ABCA13: variants seen among roughly 807,000 people sequenced by gnomAD.
The protein encoded by ABCA13 is ATP-binding cassette sub-family A member 13.
Under a neutral mutation model 478.7 loss-of-function variants are expected in ABCA13, and 476 were observed. That is an observed-to-expected ratio of 0.99 (90% confidence interval 0.92 to 1.07). The LOEUF (loss-of-function observed/expected upper bound fraction) is 1.07, where lower values mean the gene tolerates loss of function less well. Ranked by LOEUF, ABCA13 falls within the 50% of genes least tolerant of loss-of-function variation. ABCA13 has a pLI of 0.00. For missense variants in ABCA13, 6,060 were observed against 5,910.6 expected (o/e 1.03, Z -0.83); for synonymous variants, 2,252 against 2,158.9 (o/e 1.04, Z -1.20).
At chr7:48,388,776 A>G (rs935321531) in intron 36 of ABCA13, among the ~76,000 whole-genome samples, 1 of 152,178 alleles carries the variant, frequency 6.6e-6, no homozygotes, top group Non-Finnish European at 1.5e-5. Context: ...CTTAAACAAA[A>G]ATACATGTGT....
intron 57 of ABCA13, among the ~76,000 whole-genome samples, chr7:48,589,245 A>G (rs1789494607): frequency 6.6e-6 from 1 of 152,200 alleles, no homozygotes; most frequent in Non-Finnish European, 1.5e-5. Flanking sequence ...GATGTTGCTA[A>G]ATAAATGAAG....
intron 42 of ABCA13, among the ~76,000 whole-genome samples, chr7:48,449,082 A>G (rs1304286288): frequency 2.6e-5 from 4 of 152,146 alleles, no homozygotes; most frequent in African/African-American, 9.7e-5. Context: ...ACCTCCAGTG[A>G]TTCGCCCACC....
At chr7:48,237,985 G>C (rs980414367) in intron 8 of ABCA13, among the ~76,000 whole-genome samples, 5 of 152,192 alleles carry the variant, frequency 3.3e-5, no homozygotes, top group African/African-American at 1.2e-4. Context: ...CCTGTGCTTT[G>C]ACAGTCACAG....
At chr7:48,453,012 G>T (rs190924912) in intron 42 of ABCA13, among the ~76,000 whole-genome samples, 7 of 151,906 alleles carry the variant, frequency 4.6e-5, no homozygotes, top group Non-Finnish European at 8.8e-5. Flanking sequence ...TATATATATA[G>T]ATAGATAGAT....
At chr7:48,452,614 A>G (rs753418021) in intron 42 of ABCA13, among the ~76,000 whole-genome samples, 25 of 152,208 alleles carry the variant, frequency 1.6e-4, no homozygotes, top group Non-Finnish European at 2.5e-4. Context: ...GTACACAAAT[A>G]TGAGAAGGTG....
chr7:48,324,668 C>CA (rs1468572210), intron 27 of ABCA13, among the ~76,000 whole-genome samples: 2 of 152,144 alleles, frequency 1.3e-5, no homozygotes, highest in African/African-American at 2.4e-5. Context: ...ATACTAAAAA[C>CA]AAAAAATAAG....
chr7:48,600,254 G>A (rs1790741238), intron 58 of ABCA13, among the ~76,000 whole-genome samples: 1 of 151,444 alleles, frequency 6.6e-6, no homozygotes, highest in Non-Finnish European at 1.5e-5. Flanking sequence ...TTTGGATAAT[G>A]TTTGTGTGGT....
intron 48 of ABCA13, among the ~76,000 whole-genome samples, chr7:48,495,207 T>C (rs986962808): frequency 1.3e-5 from 2 of 152,224 alleles, no homozygotes; most frequent in African/African-American, 4.8e-5. Flanking sequence ...TTTACAAAGC[T>C]ATGAGTCAAA....
chr7:48,191,649 C>T (rs1797122617), intron 1 of ABCA13, among the ~76,000 whole-genome samples: 1 of 152,170 alleles, frequency 6.6e-6, no homozygotes. Context: ...CTCAAGTGAT[C>T]CGTCTGCCTC....
intron 26 of ABCA13, among the ~76,000 whole-genome samples, chr7:48,314,908 G>A (rs542776475): frequency 7.9e-5 from 12 of 152,176 alleles, no homozygotes; most frequent in Non-Finnish European, 1.6e-4. Flanking sequence ...AATATGTCAC[G>A]ATAGGTACAA....
chr7:48,226,850 G>T (rs891045681), intron 5 of ABCA13, among the ~76,000 whole-genome samples: 7 of 152,048 alleles, frequency 4.6e-5, no homozygotes, highest in South Asian at 2.1e-4. Flanking sequence ...GAAATGTTGG[G>T]TTTTTTTGTT....
chr7:48,346,191 A>ATTAC (rs1235341662), intron 29 of ABCA13, among the ~76,000 whole-genome samples: 2 of 152,182 alleles, frequency 1.3e-5, no homozygotes, highest in African/African-American at 2.4e-5. Context: ...CATCCTCATG[A>ATTAC]TTAAGTGATG....
At chr7:48,282,627 T>A (rs547133137) in intron 19 of ABCA13, among the ~76,000 whole-genome samples, 11 of 152,352 alleles carry the variant, frequency 7.2e-5, no homozygotes, top group African/African-American at 2.2e-4. Context: ...CTGATCCACA[T>A]GTTCATTCTT....
At chr7:48,394,551 T>C (rs550276942) in intron 38 of ABCA13, among the ~76,000 whole-genome samples, 1 of 152,344 alleles carries the variant, frequency 6.6e-6, no homozygotes, top group East Asian at 1.9e-4. Context: ...TATCATTTCA[T>C]GACAGCCTCT....
At chr7:48,290,261 CA>C (rs1798321557) in intron 20 of ABCA13, among the ~76,000 whole-genome samples, 1 of 152,188 alleles carries the variant, frequency 6.6e-6, no homozygotes, top group African/African-American at 2.4e-5. Context: ...TTGGAGAATG[CA>C]GCTGGAACTT....
intron 59 of ABCA13, among the ~76,000 whole-genome samples, chr7:48,634,635 A>G (rs1294869767): frequency 2.0e-5 from 3 of 152,082 alleles, no homozygotes; most frequent in Non-Finnish European, 4.4e-5. Context: ...GATTTTATCA[A>G]TGTCCACTCC....
At chr7:48,302,827 G>T (rs1158572459) in intron 23 of ABCA13, among the ~76,000 whole-genome samples, 1 of 152,134 alleles carries the variant, frequency 6.6e-6, no homozygotes, top group Non-Finnish European at 1.5e-5. Context: ...TATCCTCATG[G>T]TAGAATGATT....
At chr7:48,295,167 A>G (rs1433633393) in intron 20 of ABCA13, among the ~76,000 whole-genome samples, 2 of 152,182 alleles carry the variant, frequency 1.3e-5, no homozygotes, top group Non-Finnish European at 2.9e-5. Context: ...AGGTTTCCCT[A>G]TCCTGCACAC....
intron 19 of ABCA13, 102 bp from the exon 20 acceptor site, chr7:48,287,858 G>GA (rs1797977490): frequency 1.2e-6 from 1 of 842,474 alleles, no homozygotes; most frequent in Non-Finnish European, 1.9e-6. Context: ...AAATGTTTAG[G>GA]AATTTGTATC....
Sources: allele counts gnomAD v4.1 joint callset (sites outside exome capture counted in the v4.1 genomes callset), GRCh38; gene constraint gnomAD v4.1.1; transcripts MANE v1.5; gene names NCBI Gene and HGNC (gene_info 2026-07-23, HGNC 2026-07-21).